The following PRKCA variants were observed in gnomAD, a reference collection of about 807,000 sequenced individuals.
The protein encoded by PRKCA is protein kinase C alpha.
A neutral mutation model predicts 87.0 loss-of-function variants in PRKCA; 27 were observed. The observed-to-expected ratio is 0.31, with a 90% CI of 0.23 to 0.43. The LOEUF (loss-of-function observed/expected upper bound fraction) is 0.43, where lower values mean the gene tolerates loss of function less well. Among genes scored for constraint, PRKCA ranks in the 20% least tolerant of loss-of-function variants. The pLI, the probability that PRKCA is intolerant of heterozygous loss-of-function variation, is 1.00. For missense variants in PRKCA, 518 were observed against 852.3 expected, an observed-to-expected ratio of 0.61 and a Z score of 4.88; for synonymous variants, 329 against 311.1, an observed-to-expected ratio of 1.06 and a Z score of -0.61.
chr17:66,396,179 A>G (rs1910653930), intron 2 of PRKCA, among the ~76,000 whole-genome samples: 1 of 152,154 alleles, frequency 6.6e-6, no homozygotes, highest in South Asian at 2.1e-4. Context: ...GTTGAATGAA[A>G]TTAGAATAAT....
intron 3 of PRKCA, among the ~76,000 whole-genome samples, chr17:66,620,745 G>T (rs558963547): frequency 1.3e-5 from 2 of 152,320 alleles, no homozygotes; most frequent in East Asian, 3.9e-4. Context: ...ACTATCGGCA[G>T]TCCACAGAAA....
chr17:66,616,123 A>G (rs1272114618), intron 3 of PRKCA, among the ~76,000 whole-genome samples: 3 of 152,154 alleles, frequency 2.0e-5, no homozygotes, highest in Non-Finnish European at 4.4e-5. Flanking sequence ...TAAGGGCCCA[A>G]TCAGAAAGTC....
chr17:66,694,818 C>T (rs1972876989), intron 8 of PRKCA, among the ~76,000 whole-genome samples: 1 of 143,336 alleles, frequency 7.0e-6, no homozygotes, highest in South Asian at 2.2e-4. Flanking sequence ...ATCTTTCCCT[C>T]TTTTAAGACA....
intron 16 of PRKCA, among the ~76,000 whole-genome samples, chr17:66,800,154 C>T (rs35681698): frequency 0.13 from 19,644 of 152,216 alleles, 1,356 homozygotes; most frequent in East Asian, 0.17. Context: ...ATCTCTCCAC[C>T]GAAGTGAACC....
intron 2 of PRKCA, among the ~76,000 whole-genome samples, chr17:66,473,891 G>C (rs139637206): frequency 6.6e-6 from 1 of 152,030 alleles, no homozygotes; most frequent in Non-Finnish European, 1.5e-5. Context: ...CCGAGATCAC[G>C]CCATTGCACT....
At chr17:66,546,159 T>TTA (rs1968139408) in intron 3 of PRKCA, among the ~76,000 whole-genome samples, 2 of 152,246 alleles carry the variant, frequency 1.3e-5, no homozygotes, top group Admixed American at 1.3e-4. Flanking sequence ...TGTAATGGAA[T>TTA]TATCATTAAT....
chr17:66,693,740 A>T (rs1053050818), intron 8 of PRKCA, among the ~76,000 whole-genome samples: 2 of 152,180 alleles, frequency 1.3e-5, no homozygotes, highest in East Asian at 1.9e-4. Flanking sequence ...TTTAGGCTTT[A>T]TGGGCCATGC....
chr17:66,358,621 A>G (rs1908206823), intron 2 of PRKCA, among the ~76,000 whole-genome samples: 1 of 150,196 alleles, frequency 6.7e-6, no homozygotes, highest in East Asian at 1.9e-4. Context: ...GTGGAACTTC[A>G]GGGTTTCTTG....
intron 3 of PRKCA, among the ~76,000 whole-genome samples, chr17:66,615,719 C>T (rs921354252): frequency 7.9e-5 from 12 of 152,132 alleles, no homozygotes; most frequent in African/African-American, 2.9e-4. Context: ...CCAGCACATC[C>T]CTGTGCAGTG....
intron 3 of PRKCA, among the ~76,000 whole-genome samples, chr17:66,561,242 T>G (rs1968670713): frequency 6.6e-6 from 1 of 152,240 alleles, no homozygotes; most frequent in Admixed American, 6.5e-5. Flanking sequence ...ATGAAAGATC[T>G]TGTGTTTACG....
In PRKCA at chr17:66,589,734, T is replaced by C. The variant is rs540081023; in HGVS notation, c.289-51621T>C. Among the ~76,000 whole-genome samples, 12 of 152,282 alleles carry C rather than the reference T, an allele frequency of 7.9e-5. 1 individual carries two copies. Among genetic ancestry groups the C allele is most frequent in the African/African-American group, 2.9e-4 (12 of 41,558 alleles). On this transcript the variant is annotated intron_variant, in intron 3 of 16. Coordinates refer to ENST00000413366, the MANE Select transcript of PRKCA (RefSeq NM_002737.3). ...TGAGCATGAATTGGGGATACGAAGA[T>C]GATAAGATGATCTCACTCCCTTGTG...
At chr17:66,727,273 G>A (rs1034250082) in intron 8 of PRKCA, among the ~76,000 whole-genome samples, 6 of 152,234 alleles carry the variant, frequency 3.9e-5, no homozygotes, top group South Asian at 2.1e-4. Flanking sequence ...ATACTCCAGA[G>A]AGAGTGGCGT....
At chr17:66,426,198 G>T (rs1234474356) in intron 2 of PRKCA, among the ~76,000 whole-genome samples, 1 of 152,140 alleles carries the variant, frequency 6.6e-6, no homozygotes, top group Non-Finnish European at 1.5e-5. Context: ...GGATATTCGG[G>T]GAACGATGAT....
At chr17:66,652,623 C>T (rs775127152) in intron 5 of PRKCA, among the ~76,000 whole-genome samples, 16 of 152,070 alleles carry the variant, frequency 1.1e-4, no homozygotes, top group South Asian at 2.1e-4. Context: ...GCACCTGTGG[C>T]GGAATAATAG....
intron 2 of PRKCA, among the ~76,000 whole-genome samples, chr17:66,447,373 A>G (rs1914086403): frequency 6.6e-6 from 1 of 152,004 alleles, no homozygotes; most frequent in African/African-American, 2.4e-5. Flanking sequence ...TGAGCCGGAG[A>G]CTCATGGGGA....
chr17:66,531,215 A>T (rs1450879890), intron 3 of PRKCA, among the ~76,000 whole-genome samples: 1 of 152,246 alleles, frequency 6.6e-6, no homozygotes, highest in Non-Finnish European at 1.5e-5. Context: ...TCATCTGCAC[A>T]GCCAGAGACA....
chr17:66,510,752 T>C (rs563550239), intron 3 of PRKCA, among the ~76,000 whole-genome samples: 1 of 151,378 alleles, frequency 6.6e-6, no homozygotes, highest in East Asian at 1.9e-4. Context: ...ACTAATTTTA[T>C]TATTTTTTTT....
At chr17:66,352,711 G>A (rs1205687313) in intron 2 of PRKCA, among the ~76,000 whole-genome samples, 3 of 151,560 alleles carry the variant, frequency 2.0e-5, no homozygotes, top group Admixed American at 6.6e-5. Context: ...CTACAGGTGC[G>A]TGCCACCACA....
intron 5 of PRKCA, among the ~76,000 whole-genome samples, chr17:66,659,777 T>C (rs1467848999): frequency 6.6e-6 from 1 of 152,150 alleles, no homozygotes; most frequent in African/African-American, 2.4e-5. Context: ...GTTATCACAC[T>C]GTGCTGGGGT....
Sources: allele counts gnomAD v4.1 joint callset (sites outside exome capture counted in the v4.1 genomes callset), GRCh38; gene constraint gnomAD v4.1.1; transcripts MANE v1.5; gene names NCBI Gene and HGNC (gene_info 2026-07-23, HGNC 2026-07-21).